Variants in CCDC85A observed in about 807,000 individuals in gnomAD.
The protein encoded by CCDC85A is coiled-coil domain containing 85A.
A neutral mutation model predicts 50.2 loss-of-function variants in CCDC85A; 38 were observed. The observed-to-expected ratio is 0.76, with a 90% CI of 0.58 to 0.99. CCDC85A has a LOEUF of 0.99. Among genes scored for constraint, CCDC85A ranks in the 50% least tolerant of loss-of-function variants. The pLI is 0.00. For missense variants in CCDC85A, 820 were observed against 742.0 expected, an observed-to-expected ratio of 1.11 and a Z score of -1.22; for synonymous variants, 366 against 301.4, an observed-to-expected ratio of 1.21 and a Z score of -2.22.
chr2:56,261,808 T>G (rs1230559824), intron 2 of CCDC85A, among the ~76,000 whole-genome samples: 3 of 152,128 alleles, frequency 2.0e-5, no homozygotes, highest in Non-Finnish European at 4.4e-5. Flanking sequence ...AATTGTGTTG[T>G]AGGTGAAGTG....
chr2:56,266,578 G>GGC (rs71393521), intron 2 of CCDC85A, among the ~76,000 whole-genome samples: 14 of 60,338 alleles, frequency 2.3e-4, no homozygotes, highest in East Asian at 7.6e-4. Context: ...ACAATAACGC[G>GGC]CCCCCCCCCC....
At chr2:56,236,361 G>A (rs1669015995) in intron 2 of CCDC85A, among the ~76,000 whole-genome samples, 1 of 152,192 alleles carries the variant, frequency 6.6e-6, no homozygotes, top group African/African-American at 2.4e-5. Context: ...AATGTTGAGA[G>A]AGTTGAGGCA....
chr2:56,301,043 G>T (rs1672178650), intron 2 of CCDC85A, among the ~76,000 whole-genome samples: 1 of 151,894 alleles, frequency 6.6e-6, no homozygotes, highest in African/African-American at 2.4e-5. Context: ...CTTCCTTTTT[G>T]CAATCTTTCC....
chr2:56,316,218 CA>C (rs1200511092), intron 2 of CCDC85A, among the ~76,000 whole-genome samples: 1 of 152,164 alleles, frequency 6.6e-6, no homozygotes, highest in Admixed American at 6.6e-5. Context: ...GCTCCAGCGT[CA>C]AATTTGGTTT....
chr2:56,298,040 G>A (rs1265854329), intron 2 of CCDC85A, among the ~76,000 whole-genome samples: 1 of 152,174 alleles, frequency 6.6e-6, no homozygotes, highest in Non-Finnish European at 1.5e-5. Flanking sequence ...AGATTTATAA[G>A]GTCATGCCCC....
chr2:56,206,519 G>A (rs953680540), intron 2 of CCDC85A, among the ~76,000 whole-genome samples: 6 of 152,054 alleles, frequency 3.9e-5, no homozygotes, highest in Non-Finnish European at 7.4e-5. Flanking sequence ...GGAGGCAAGA[G>A]GGCAAGAGGG....
intron 2 of CCDC85A, among the ~76,000 whole-genome samples, chr2:56,202,477 C>G (rs1017087474): frequency 2.0e-5 from 3 of 152,202 alleles, no homozygotes; most frequent in Non-Finnish European, 4.4e-5. Context: ...TACATAGCCA[C>G]TTGCATTCAC....
intron 2 of CCDC85A, among the ~76,000 whole-genome samples, chr2:56,275,803 G>C (rs1229253737): frequency 6.6e-6 from 1 of 152,152 alleles, no homozygotes; most frequent in Non-Finnish European, 1.5e-5. Context: ...AGCTTGTTCT[G>C]TTATTTTTAC....
chr2:56,274,047 G>C (rs932995773), intron 2 of CCDC85A, among the ~76,000 whole-genome samples: 1 of 152,178 alleles, frequency 6.6e-6, no homozygotes, highest in Non-Finnish European at 1.5e-5. Context: ...TGGAGGATGG[G>C]AGAGGTACTA....
intron 5 of CCDC85A, among the ~76,000 whole-genome samples, chr2:56,380,403 A>G (rs1676525400): frequency 6.6e-6 from 1 of 152,056 alleles, no homozygotes. Flanking sequence ...AAGAACCTAA[A>G]AGATAGTTAG....
intron 2 of CCDC85A, among the ~76,000 whole-genome samples, chr2:56,311,568 T>C (rs535075185): frequency 2.6e-5 from 4 of 152,084 alleles, no homozygotes; most frequent in African/African-American, 9.6e-5. Context: ...GCTGCACCCA[T>C]TAACTCATCA....
chr2:56,297,667 T>C (rs1464183786), intron 2 of CCDC85A, among the ~76,000 whole-genome samples: 1 of 152,148 alleles, frequency 6.6e-6, no homozygotes, highest in Admixed American at 6.6e-5. Flanking sequence ...CTCAGTAAGG[T>C]CAGTAAAGTT....
chr2:56,261,708 G>T (rs760319593), intron 2 of CCDC85A, among the ~76,000 whole-genome samples: 5 of 152,232 alleles, frequency 3.3e-5, no homozygotes, highest in African/African-American at 7.2e-5. Flanking sequence ...AACAATGCTA[G>T]TGACTTGAAG....
intron 5 of CCDC85A, 136 bp downstream of exon 5, chr2:56,376,071 A>C (rs1676322717): frequency 1.1e-6 from 1 of 917,142 alleles, no homozygotes; most frequent in Non-Finnish European, 1.5e-6. Flanking sequence ...TAACTTTTTA[A>C]ATCTTAATTT....
In CCDC85A at chr2:56,383,652, T is replaced by C; in HGVS notation, c.1573-614T>C. On this transcript the variant is annotated intron_variant, in intron 5 of 5. Coordinates refer to ENST00000407595, the MANE Select transcript of CCDC85A (RefSeq NM_001080433.2). ...ACATCATATTGCTTGGTAGCTAAGA[T>C]TTGTGACAACTGATGACCCCACTCT... The C allele has an allele frequency of 6.1e-6, 6 of 985,098 alleles. No individual in the cohort carries two copies. The Admixed American group carries it at 1.9e-4, about 30-fold the overall frequency. 61.0% of individuals were successfully genotyped at this position (985,098 alleles called of 1,614,324 possible). A position where few individuals can be genotyped will look rare whatever the true frequency, so the allele number is the denominator to read the frequency against.
intron 2 of CCDC85A, among the ~76,000 whole-genome samples, chr2:56,223,973 A>G (rs1442370585): frequency 2.6e-5 from 4 of 152,180 alleles, no homozygotes; most frequent in African/African-American, 7.2e-5. Context: ...TACAGTTCAC[A>G]TATCATAAAA....
intron 2 of CCDC85A, among the ~76,000 whole-genome samples, chr2:56,218,072 GA>G (rs1440658467): frequency 1.3e-5 from 2 of 151,678 alleles, no homozygotes; most frequent in Non-Finnish European, 2.9e-5. Flanking sequence ...ATCATGCTCA[GA>G]AACCAAAACA....
chr2:56,375,983 C>G (rs72803075), intron 5 of CCDC85A, 48 bp downstream of exon 5: 430,895 of 1,589,426 alleles, frequency 0.27, 60,834 homozygotes, highest in Middle Eastern at 0.31. Flanking sequence ...GTTGTGTCGT[C>G]GCTTGTTCGC....
intron 2 of CCDC85A, among the ~76,000 whole-genome samples, chr2:56,275,853 C>G (rs149418876): frequency 7.6e-4 from 115 of 152,304 alleles, no homozygotes; most frequent in African/African-American, 2.4e-3. Flanking sequence ...TTCTGAGAAT[C>G]AGGAGGCAAA....
Sources: gnomAD v4.1 joint callset for allele counts (sites outside exome capture counted in the v4.1 genomes callset) on GRCh38, gnomAD v4.1.1 for gene constraint, MANE v1.5 for transcripts, NCBI Gene and HGNC (gene_info 2026-07-23, HGNC 2026-07-21) for gene names.